The following CNTNAP2 variants were observed in gnomAD, a reference collection of about 807,000 sequenced individuals.
CNTNAP2 encodes contactin-associated protein-like 2.
CNTNAP2 carries 98 observed loss-of-function variants against 155.2 expected under a neutral mutation model. That is an observed-to-expected ratio of 0.63 (90% CI 0.54 to 0.75). The LOEUF (loss-of-function observed/expected upper bound fraction) is 0.75. Ranked by LOEUF, CNTNAP2 falls within the 30% of genes least tolerant of loss-of-function variation. The pLI is 0.00. For synonymous variants in CNTNAP2, 651 were observed against 631.2 expected (o/e 1.03, Z -0.47); for missense variants, 1,727 against 1,688.1 (o/e 1.02, Z -0.40).
At chr7:147,793,746 T>C (rs1235473565) in intron 13 of CNTNAP2, among the ~76,000 whole-genome samples, 2 of 152,040 alleles carry the variant, frequency 1.3e-5, no homozygotes, top group Non-Finnish European at 2.9e-5. Context: ...AAATCAGACC[T>C]CAAGTTAGGG....
At chr7:146,929,187 C>A (rs988238616) in intron 3 of CNTNAP2, among the ~76,000 whole-genome samples, 3 of 152,194 alleles carry the variant, frequency 2.0e-5, no homozygotes, top group African/African-American at 7.2e-5. Context: ...GGAGGCACCC[C>A]CCAGTAGGGG....
At chr7:147,913,410 G>T (rs1800102297) in intron 14 of CNTNAP2, among the ~76,000 whole-genome samples, 2 of 152,142 alleles carry the variant, frequency 1.3e-5, no homozygotes, top group South Asian at 4.1e-4. Context: ...TACCCTCAGT[G>T]ACAACACTGG....
At chr7:146,356,962 T>G (rs544237573) in intron 1 of CNTNAP2, among the ~76,000 whole-genome samples, 113 of 152,242 alleles carry the variant, frequency 7.4e-4, no homozygotes, top group African/African-American at 2.3e-3. Flanking sequence ...TGCCAGTATT[T>G]CCCTCATCTC....
At position 147,361,443 on chromosome 7, in the gene CNTNAP2, G is replaced by A. The variant is rs1204681071; in HGVS notation, c.1499-34166G>A. ...TTCTTGCTTACTCAGAGATTTCTAG[G>A]AATGCAATCTATACCCTGTATAATT... On this transcript the variant is annotated intron_variant, in intron 9 of 23. Transcript: ENST00000361727. Among the ~76,000 whole-genome samples the A allele has an allele frequency of 2.0e-5, 3 of 152,142 alleles. No homozygotes were observed. The East Asian group carries it at 5.8e-4, about 29-fold the overall frequency.
At chr7:147,743,025 T>G (rs181084065) in intron 13 of CNTNAP2, among the ~76,000 whole-genome samples, 1 of 152,314 alleles carries the variant, frequency 6.6e-6, no homozygotes, top group Non-Finnish European at 1.5e-5. Flanking sequence ...GCTGTCATAA[T>G]TTTTTATAAT....
chr7:147,832,543 C>T (rs982184954), intron 13 of CNTNAP2, among the ~76,000 whole-genome samples: 1 of 139,676 alleles, frequency 7.2e-6, no homozygotes, highest in Non-Finnish European at 1.5e-5. Flanking sequence ...TTTTATATTT[C>T]AATATATTAT....
In CNTNAP2 at chr7:148,417,873, GTTCTCATCCT is replaced by G. The variant is rs1178948553; in HGVS notation, c.*2263_*2272del. On this transcript the variant is annotated 3_prime_UTR_variant, in exon 24 of 24. Coordinates refer to ENST00000361727, the MANE Select transcript of CNTNAP2 (RefSeq NM_014141.6). ...CCAAAACAGCTTCTGCTACTAAAAT[GTTCTCATCCT>G]TTCTCCTCCCTCTCCTTTTCCTGCC... The G allele has an allele frequency of 2.0e-5, 3 of 152,190 alleles. No homozygotes were observed. The highest frequency in any genetic ancestry group is 2.1e-4 in the South Asian group (1 of 4,824). 9.4% of individuals were successfully genotyped at this position (152,190 alleles called of 1,614,324 possible).
intron 1 of CNTNAP2, among the ~76,000 whole-genome samples, chr7:146,542,313 A>G (rs1304207793): frequency 2.0e-5 from 3 of 151,998 alleles, no homozygotes; most frequent in East Asian, 3.9e-4. Flanking sequence ...AACGACTGCA[A>G]TAAGACTTGT....
intron 13 of CNTNAP2, among the ~76,000 whole-genome samples, chr7:147,650,289 A>G (rs991986991): frequency 6.6e-6 from 1 of 152,224 alleles, no homozygotes; most frequent in African/African-American, 2.4e-5. Flanking sequence ...TCAGTTATTC[A>G]TTCTGCAAAC....
At chr7:146,778,381 A>T (rs1802426556) in intron 2 of CNTNAP2, among the ~76,000 whole-genome samples, 1 of 152,220 alleles carries the variant, frequency 6.6e-6, no homozygotes, top group Admixed American at 6.5e-5. Context: ...GGACCAGTAC[A>T]TGGCAAAAGT....
At chr7:147,026,571 G>A (rs1319194627) in intron 3 of CNTNAP2, among the ~76,000 whole-genome samples, 1 of 150,840 alleles carries the variant, frequency 6.6e-6, no homozygotes, top group African/African-American at 2.4e-5. Flanking sequence ...AAATAACACT[G>A]AGTTCATTCT....
At chr7:147,980,663 A>G (rs62471123) in intron 15 of CNTNAP2, among the ~76,000 whole-genome samples, 71,889 of 151,092 alleles carry the variant, frequency 0.48, 17,765 homozygotes, top group Middle Eastern at 0.72. Context: ...GGTGGCTCAC[A>G]CCTGTAATCC....
chr7:147,875,478 A>G (rs4725749), intron 13 of CNTNAP2, among the ~76,000 whole-genome samples: 35,454 of 152,130 alleles, frequency 0.23, 4,778 homozygotes, highest in Middle Eastern at 0.38. Context: ...CCCTCCCACA[A>G]CACATGGGGA....
At chr7:147,982,972 C>T (rs1014400427) in intron 15 of CNTNAP2, among the ~76,000 whole-genome samples, 5 of 139,780 alleles carry the variant, frequency 3.6e-5, no homozygotes, top group African/African-American at 1.3e-4. Context: ...GAGCCAACAT[C>T]GTGCTGTTGC....
intron 14 of CNTNAP2, among the ~76,000 whole-genome samples, chr7:147,905,899 AAAC>A (rs879520885): frequency 0.011 from 1,653 of 151,136 alleles, 86 homozygotes; most frequent in Admixed American, 0.091. Flanking sequence ...CTCAAAAAAC[AAAC>A]AAACAAACAA....
intron 13 of CNTNAP2, among the ~76,000 whole-genome samples, chr7:147,885,906 T>G (rs1334314269): frequency 6.6e-6 from 1 of 152,224 alleles, no homozygotes; most frequent in East Asian, 1.9e-4. Context: ...ATGCAATAAC[T>G]AAGTTCTGCA....
At chr7:146,612,667 TG>T (rs1177716835) in intron 1 of CNTNAP2, among the ~76,000 whole-genome samples, 1 of 151,976 alleles carries the variant, frequency 6.6e-6, no homozygotes. Context: ...TTTTAAAACT[TG>T]GCACGGATTA....
At chr7:147,314,407 A>AGAGT (rs1264327990) in intron 9 of CNTNAP2, among the ~76,000 whole-genome samples, 3 of 151,684 alleles carry the variant, frequency 2.0e-5, no homozygotes, top group Non-Finnish European at 3.0e-5. Flanking sequence ...TATCTCATTC[A>AGAGT]CTGAAGTTAA....
intron 1 of CNTNAP2, among the ~76,000 whole-genome samples, chr7:146,320,937 A>G (rs1800989997): frequency 6.6e-6 from 1 of 152,152 alleles, no homozygotes; most frequent in Non-Finnish European, 1.5e-5. Context: ...TATCTTTTAA[A>G]GAACAGATAT....
Sources: allele counts gnomAD v4.1 joint callset (sites outside exome capture counted in the v4.1 genomes callset), GRCh38; gene constraint gnomAD v4.1.1; transcripts MANE v1.5; gene names NCBI Gene and HGNC (gene_info 2026-07-23, HGNC 2026-07-21).